Variants in PTPN13 observed in about 807,000 individuals in gnomAD.
PTPN13 encodes the protein tyrosine-protein phosphatase non-receptor type 13.
In PTPN13, 191 loss-of-function variants were observed where a neutral mutation model predicts 284.0. That is an observed-to-expected ratio of 0.67 (90% CI 0.60 to 0.76). PTPN13 has a LOEUF of 0.76. PTPN13 is among the 30% of genes least tolerant of loss of function. The pLI, the probability that PTPN13 is intolerant of heterozygous loss-of-function variation, is 0.00. For synonymous variants in PTPN13, 986 were observed against 1,022.3 expected (o/e 0.96, Z 0.68); for missense variants, 2,797 against 2,939.9 (o/e 0.95, Z 1.12).
At chr4:86,673,208 C>T (rs1222857070) in intron 3 of PTPN13, among the ~76,000 whole-genome samples, 3 of 152,008 alleles carry the variant, frequency 2.0e-5, no homozygotes, top group Admixed American at 6.6e-5. Context: ...TTGGGGACCC[C>T]GATCTCTAAT....
At position 86,770,311 on chromosome 4, in the gene PTPN13, T is replaced by C. The variant is rs922245974; in HGVS notation, c.4803+112T>C. ...TGTTCTCCTGGGTTTCATACCTAGC[T>C]ACTTGTTTTAGGTAGGCATGTTATC... is the stretch of plus-strand genomic sequence containing the variant. On this transcript the variant is annotated intron_variant, in intron 30 of 47. Transcript: ENST00000411767. 2.2e-5 allele frequency: 21 copies of C among 959,754 alleles called. No homozygotes were observed. The African/African-American group carries it at 2.9e-4, about 13-fold the overall frequency. 59.5% of individuals were successfully genotyped at this position (959,754 alleles called of 1,614,324 possible). A position where few individuals can be genotyped will look rare whatever the true frequency, so the allele number is the denominator to read the frequency against.
At chr4:86,652,786 G>T (rs1725245730) in intron 2 of PTPN13, among the ~76,000 whole-genome samples, 2 of 151,920 alleles carry the variant, frequency 1.3e-5, no homozygotes, top group South Asian at 2.1e-4. Context: ...TTCATACTTG[G>T]ATATTCATAC....
intron 33 of PTPN13, among the ~76,000 whole-genome samples, 161 bp downstream of exon 33, chr4:86,774,692 G>A (rs1391053329): frequency 6.7e-6 from 1 of 148,212 alleles, no homozygotes; most frequent in African/African-American, 2.5e-5. Flanking sequence ...AACAGTTTGG[G>A]AAATTATTTT....
chr4:86,740,917 A>G (rs1007971004), intron 15 of PTPN13, among the ~76,000 whole-genome samples: 3 of 152,014 alleles, frequency 2.0e-5, no homozygotes, highest in Admixed American at 6.6e-5. Flanking sequence ...CTTTGCAAAA[A>G]AAAAAGAAAA....
At chr4:86,814,310 C>T in intron 47 of PTPN13, 146 bp from the exon 48 acceptor site, 1 of 531,188 alleles carries the variant, frequency 1.9e-6, no homozygotes, top group African/African-American at 1.9e-5. Context: ...CAGCCTACAC[C>T]CTGTTTCTTG....
chr4:86,814,000 CTTTTTTTTTTTT>C (rs535405150), intron 47 of PTPN13, among the ~76,000 whole-genome samples: 2 of 100,044 alleles, frequency 2.0e-5, no homozygotes, highest in Admixed American at 1.1e-4. Flanking sequence ...TACCCTGCTT[CTTTTTTTTTTTT>C]TTTTTTTTTT....
At position 86,664,496 on chromosome 4, in the gene PTPN13, AT is replaced by A. The variant is rs559293858; in HGVS notation, c.116-7865del. Among the ~76,000 whole-genome samples the A allele has an allele frequency of 2.5e-4, 38 of 152,316 alleles. No homozygotes were observed. In the South Asian group the frequency reaches 6.0e-3, roughly 24 times the overall value. On this transcript the variant is annotated intron_variant, in intron 2 of 47. Coordinates refer to ENST00000411767, the MANE Select transcript of PTPN13 (RefSeq NM_080683.3). ...AAAAGGTTGTGGACCTGTGGTATAG[AT>A]TTTAAATGGGAAACAAATTCTTTTT...
At chr4:86,681,344 T>C (rs1477795816) in intron 3 of PTPN13, among the ~76,000 whole-genome samples, 1 of 152,192 alleles carries the variant, frequency 6.6e-6, no homozygotes. Context: ...AGAGGCAGTT[T>C]TCTCTCCTAC....
At chr4:86,641,533 A>T (rs1723786375) in intron 2 of PTPN13, among the ~76,000 whole-genome samples, 1 of 152,204 alleles carries the variant, frequency 6.6e-6, no homozygotes, top group African/African-American at 2.4e-5. Flanking sequence ...CATTTTTAAA[A>T]GCAAAATTGC....
intron 25 of PTPN13, among the ~76,000 whole-genome samples, 199 bp from the exon 26 acceptor site, chr4:86,765,196 G>A (rs941924004): frequency 6.6e-6 from 1 of 152,106 alleles, no homozygotes; most frequent in African/African-American, 2.4e-5. Flanking sequence ...GTGAGCATAG[G>A]CTATTTGATA....
chr4:86,761,472 C>T (rs965091661), intron 23 of PTPN13, among the ~76,000 whole-genome samples: 2 of 152,034 alleles, frequency 1.3e-5, no homozygotes, highest in Non-Finnish European at 2.9e-5. Context: ...AGAGTATGTA[C>T]ATTAAAATTT....
chr4:86,743,382 T>G (rs1311973033), intron 16 of PTPN13, among the ~76,000 whole-genome samples: 1 of 150,920 alleles, frequency 6.6e-6, no homozygotes, highest in Non-Finnish European at 1.5e-5. Flanking sequence ...CTTTCTTTCA[T>G]GTTTATGCTT....
chr4:86,630,289 A>G lies in PTPN13; in HGVS notation c.-5-4963A>G, dbSNP rs535988139. ...CCCAAGTACCCAAATAAGTCTTCTA[A>G]TGAATGAAAACTTATATAGTAAGAC... On this transcript the variant is annotated intron_variant, in intron 1 of 47. Transcript: ENST00000411767. Among the ~76,000 whole-genome samples, 10 of 152,278 alleles carry G rather than the reference A, an allele frequency of 6.6e-5. No homozygotes were observed. The East Asian group carries it at 1.9e-3, about 29-fold the overall frequency.
intron 7 of PTPN13, among the ~76,000 whole-genome samples, chr4:86,712,612 CT>C (rs1732547901): frequency 6.6e-6 from 1 of 151,990 alleles, no homozygotes; most frequent in Non-Finnish European, 1.5e-5. Context: ...AGAAAAAAGT[CT>C]TTCTACCCCT....
intron 15 of PTPN13, among the ~76,000 whole-genome samples, chr4:86,736,542 GGAAA>G (rs2149145039): frequency 6.6e-6 from 1 of 152,142 alleles, no homozygotes; most frequent in Admixed American, 6.5e-5. Context: ...TAGTGTTCAT[GGAAA>G]GAAAGAAAGG....
intron 2 of PTPN13, among the ~76,000 whole-genome samples, chr4:86,656,218 A>G (rs1227894625): frequency 6.6e-6 from 1 of 152,036 alleles, no homozygotes; most frequent in Non-Finnish European, 1.5e-5. Flanking sequence ...AAGTTTGATC[A>G]TCTGAAGCCT....
chr4:86,808,063 A>C (rs893995988), intron 45 of PTPN13, among the ~76,000 whole-genome samples, 166 bp downstream of exon 45: 1 of 152,214 alleles, frequency 6.6e-6, no homozygotes, highest in Non-Finnish European at 1.5e-5. Context: ...TATGTAATAT[A>C]AGTTTAAATG....
At chr4:86,675,193 T>C (rs1298442209) in intron 3 of PTPN13, among the ~76,000 whole-genome samples, 1 of 152,144 alleles carries the variant, frequency 6.6e-6, no homozygotes, top group Non-Finnish European at 1.5e-5. Flanking sequence ...AGAAGCAATG[T>C]TGGGGATGAA....
chr4:86,750,948 T>G, intron 18 of PTPN13, 61 bp downstream of exon 18: 1 of 1,571,806 alleles, frequency 6.4e-7, no homozygotes, highest in African/African-American at 1.4e-5. Flanking sequence ...ATACGTTTCT[T>G]TTTGTTATGA....
Sources: gnomAD v4.1 joint callset for allele counts (sites outside exome capture counted in the v4.1 genomes callset) on GRCh38, gnomAD v4.1.1 for gene constraint, MANE v1.5 for transcripts, NCBI Gene and HGNC (gene_info 2026-07-23, HGNC 2026-07-21) for gene names.